Variants in KCNN2 observed in about 807,000 individuals in gnomAD.
The protein encoded by KCNN2 is small conductance calcium-activated potassium channel protein 2.
A neutral mutation model predicts 55.5 loss-of-function variants in KCNN2; 24 were observed. The observed-to-expected ratio is 0.43, with a 90% CI of 0.31 to 0.61. KCNN2 has a LOEUF of 0.61. Ranked by LOEUF, KCNN2 falls within the 20% of genes least tolerant of loss-of-function variation. KCNN2 has a pLI of 0.08. For synonymous variants in KCNN2, 431 were observed against 336.1 expected, an observed-to-expected ratio of 1.28 and a Z score of -3.09; for missense variants, 754 against 853.6, an observed-to-expected ratio of 0.88 and a Z score of 1.45.
intron 1 of KCNN2, among the ~76,000 whole-genome samples, chr5:114,104,225 A>T (rs943959450): frequency 1.3e-5 from 2 of 152,086 alleles, no homozygotes; most frequent in African/African-American, 4.8e-5. Context: ...AGGTGTTTAT[A>T]GTATTCTCTG....
Position 114,152,710 on chromosome 5 carries a change from C to A in KCNN2, c.-270-68770C>A, listed in dbSNP as rs908400100. ...GACCACACTGGAATGGTCAGGGTAG[C>A]TATCTCTAAGGAGGAAATTTGATCA... is the stretch of plus-strand genomic sequence containing the variant. On this transcript the variant is annotated intron_variant, in intron 1 of 10. Coordinates refer to the KCNN2 transcript ENST00000512097. Among the ~76,000 whole-genome samples, 5 of 152,128 alleles carry A rather than the reference C, an allele frequency of 3.3e-5. No individual in the cohort carries two copies. In the East Asian group the frequency reaches 9.6e-4, roughly 29 times the overall value.
At chr5:114,278,576 G>A (rs1349467048) in intron 2 of KCNN2, among the ~76,000 whole-genome samples, 3 of 152,212 alleles carry the variant, frequency 2.0e-5, no homozygotes, top group Non-Finnish European at 4.4e-5. Context: ...CTCAGCAATG[G>A]CAGACGCCCC....
intron 3 of KCNN2, among the ~76,000 whole-genome samples, chr5:114,443,070 A>G (rs748713718): frequency 6.8e-4 from 103 of 152,146 alleles, no homozygotes; most frequent in Non-Finnish European, 1.1e-3. Context: ...AGGGGGTCAG[A>G]TCACGAGGTC....
At chr5:114,202,602 C>CT (rs1424822022) in intron 1 of KCNN2, among the ~76,000 whole-genome samples, 1 of 22,252 alleles carries the variant, frequency 4.5e-5, no homozygotes, top group African/African-American at 1.4e-4. Context: ...TTTTTTTTTT[C>CT]CCGAGACAGA....
chr5:114,373,658 A>ATATATATATATATATATATAT (rs1554084191), intron 2 of KCNN2, among the ~76,000 whole-genome samples: 124 of 104,354 alleles, frequency 1.2e-3, no homozygotes, highest in East Asian at 1.9e-3. Context: ...ATATATATAT[A>ATATATATATATATATATATAT]AAATTACTTG....
intron 5 of KCNN2, among the ~76,000 whole-genome samples, chr5:114,485,316 A>G (rs572017076): frequency 5.9e-5 from 9 of 152,274 alleles, no homozygotes; most frequent in African/African-American, 2.2e-4. Flanking sequence ...CCAATCTTCC[A>G]GGTATCTACA....
intron 5 of KCNN2, among the ~76,000 whole-genome samples, chr5:114,485,994 C>G (rs907167069): frequency 3.4e-4 from 52 of 152,194 alleles, no homozygotes; most frequent in African/African-American, 1.3e-3. Context: ...TTCTGATGTT[C>G]CAGAAAACTG....
chr5:114,123,539 T>A (rs1336255360), intron 1 of KCNN2, among the ~76,000 whole-genome samples: 5 of 117,206 alleles, frequency 4.3e-5, no homozygotes, highest in African/African-American at 2.0e-4. Flanking sequence ...ATTTTTTGTG[T>A]TTTTTAGTAG....
intron 4 of KCNN2, among the ~76,000 whole-genome samples, chr5:114,464,108 G>T (rs1193448663): frequency 1.3e-5 from 2 of 152,144 alleles, no homozygotes; most frequent in African/African-American, 4.8e-5. Context: ...CATAGGCTCA[G>T]ACATCTTTTT....
intron 1 of KCNN2, among the ~76,000 whole-genome samples, chr5:114,086,657 C>A (rs1292484877): frequency 6.6e-6 from 1 of 151,874 alleles, no homozygotes; most frequent in Admixed American, 6.6e-5. Flanking sequence ...GTGTAAGAAC[C>A]ACATTTTCTT....
At chr5:114,142,642 G>A (rs899379592) in intron 1 of KCNN2, among the ~76,000 whole-genome samples, 1 of 152,046 alleles carries the variant, frequency 6.6e-6, no homozygotes, top group East Asian at 1.9e-4. Context: ...AAAATACCTA[G>A]GAATCCAACT....
In KCNN2 at chr5:114,380,009, T is replaced by A. The variant is rs184470963; in HGVS notation, c.1218+16008T>A. 2.7e-3 allele frequency among the ~76,000 whole-genome samples: 407 copies of A among 151,666 alleles called. 2 individuals are homozygous for A. The highest frequency in any genetic ancestry group is 9.0e-3 in the African/African-American group (374 of 41,432). ...CATGTCATTTACATAATTTATTTTT[T>A]AATTTATATCATTTTATTTTTAGTT... On this transcript the variant is annotated intron_variant, in intron 2 of 7. Transcript: ENST00000673685.
chr5:114,486,995 T>A (rs1747587974), intron 5 of KCNN2, 55 bp from the exon 6 acceptor site: 2 of 1,603,048 alleles, frequency 1.2e-6, no homozygotes, highest in East Asian at 4.5e-5. Flanking sequence ...CCCAGCAAAG[T>A]TACAAAGGAT....
chr5:114,255,110 A>C (rs927347495), intron 2 of KCNN2, among the ~76,000 whole-genome samples: 3 of 152,188 alleles, frequency 2.0e-5, no homozygotes, highest in African/African-American at 7.2e-5. Context: ...GATGACAGTT[A>C]CTATTTTGAT....
chr5:114,168,174 T>TATATAC (rs1554072772), intron 1 of KCNN2, among the ~76,000 whole-genome samples: 10 of 148,712 alleles, frequency 6.7e-5, no homozygotes, highest in African/African-American at 2.5e-4. Context: ...TGGATATATA[T>TATATAC]ACACACACAC....
chr5:114,252,403 T>C (rs1313415187), intron 2 of KCNN2, among the ~76,000 whole-genome samples: 4 of 152,030 alleles, frequency 2.6e-5, no homozygotes, highest in African/African-American at 4.8e-5. Context: ...TCTGAGGCAA[T>C]AGGGAACTTT....
At chr5:114,187,190 C>T (rs964509141) in intron 1 of KCNN2, among the ~76,000 whole-genome samples, 16 of 151,908 alleles carry the variant, frequency 1.1e-4, no homozygotes, top group African/African-American at 3.4e-4. Flanking sequence ...TATTTGTTAC[C>T]TTATATTAAA....
intron 3 of KCNN2, among the ~76,000 whole-genome samples, chr5:114,438,018 A>G (rs931520270): frequency 6.6e-6 from 1 of 152,176 alleles, no homozygotes; most frequent in Non-Finnish European, 1.5e-5. Context: ...GCCCCACTTT[A>G]TCTACACCAA....
rs776037099 is a variant in KCNN2 at position 114,356,853 on chromosome 5, C to CT, written c.-184-4088dup. On this transcript the variant is annotated intron_variant, in intron 2 of 10. Coordinates refer to the KCNN2 transcript ENST00000512097. The stretch of plus-strand genomic sequence containing the variant: ...TTAAAAATAATGGTGTTTTTAGGGC[C>CT]TTTTAATTGTTATGTTTCCAGAAAC... Among the ~76,000 whole-genome samples, 4 of 151,910 alleles carry CT rather than the reference C, an allele frequency of 2.6e-5. No homozygotes were observed. The East Asian group carries it at 7.7e-4, about 29-fold the overall frequency.
Sources: gnomAD v4.1 joint callset for allele counts (sites outside exome capture counted in the v4.1 genomes callset) on GRCh38, gnomAD v4.1.1 for gene constraint, MANE v1.5 for transcripts, NCBI Gene and HGNC (gene_info 2026-07-23, HGNC 2026-07-21) for gene names.